Variants in C14orf132 observed in about 807,000 individuals in gnomAD.
The protein encoded by C14orf132 is chromosome 14 open reading frame 132, also known as uncharacterized protein C14orf132.
In C14orf132, 6 loss-of-function variants were observed where a neutral mutation model predicts 5.8. The observed-to-expected ratio is 1.03, with a 90% CI of 0.57 to 2.04. C14orf132 has a LOEUF of 2.04. C14orf132 is among the 30% of genes most tolerant of loss of function. The probability of loss-of-function intolerance (pLI) is 0.00; values close to 1 mark genes in which losing one functional copy is unlikely to be tolerated. For missense variants in C14orf132, 125 were observed against 115.8 expected, an observed-to-expected ratio of 1.08 and a Z score of -0.37; for synonymous variants, 51 against 49.8, an observed-to-expected ratio of 1.02 and a Z score of -0.10.
chr14:96,065,472 C>G lies in C14orf132; in HGVS notation c.28-21039C>G, dbSNP rs190300442. Among the ~76,000 whole-genome samples, 6 of 152,214 alleles carry G rather than the reference C, an allele frequency of 3.9e-5. No homozygotes were observed. In the East Asian group the frequency reaches 1.2e-3, roughly 29 times the overall value. ...CTGGGCTTGCCGTTGCCCCGGCCGCCGCTTCACTCCAGTATGCGTGTGCTC... is the reference window on the plus strand; with the variant it reads ...CTGGGCTTGCCGTTGCCCCGGCCGCGGCTTCACTCCAGTATGCGTGTGCTC... On this transcript the variant is annotated intron_variant, in intron 1 of 1. Coordinates refer to ENST00000555004, the MANE Select transcript of C14orf132 (RefSeq NM_001252507.3).
intron 1 of C14orf132, among the ~76,000 whole-genome samples, chr14:96,052,685 C>T (rs1318645418): frequency 6.6e-6 from 1 of 152,188 alleles, no homozygotes; most frequent in Non-Finnish European, 1.5e-5. Flanking sequence ...GTGATCCGGA[C>T]AGCACCAAGT....
At chr14:96,070,266 G>A (rs954044535) in intron 1 of C14orf132, among the ~76,000 whole-genome samples, 5 of 152,078 alleles carry the variant, frequency 3.3e-5, no homozygotes, top group East Asian at 1.9e-4. Context: ...TCTTTACCTC[G>A]TTGTTTACTT....
rs192984937 is a variant in C14orf132 at position 96,085,271 on chromosome 14, C to T, written c.28-1240C>T. Among the ~76,000 whole-genome samples, 54 of 152,336 alleles carry T rather than the reference C, an allele frequency of 3.5e-4. No homozygotes were observed. The East Asian group carries it at 3.9e-3, about 11-fold the overall frequency. The stretch of plus-strand genomic sequence containing the variant: ...ATGCGGTGCTCGGTAACTGTGCATC[C>T]GATGCAGGCCTCACTGTGTCATGTT... On this transcript the variant is annotated intron_variant, in intron 1 of 1. Coordinates refer to ENST00000555004, the MANE Select transcript of C14orf132 (RefSeq NM_001252507.3).
chr14:96,074,122 G>A (rs1185777836), intron 1 of C14orf132, among the ~76,000 whole-genome samples: 1 of 152,206 alleles, frequency 6.6e-6, no homozygotes, highest in African/African-American at 2.4e-5. Flanking sequence ...CACACCACAT[G>A]GCACTTGTTA....
rs376333280 is a variant in C14orf132 at position 96,040,388 on chromosome 14, G to A, written c.27+861G>A. ...GGAGAGTAAGTCCCAATCTACCAAA[G>A]CCACATCTTGCACCTTCTCTGGTTG... On this transcript the variant is annotated intron_variant, in intron 1 of 1. Coordinates refer to ENST00000555004, the MANE Select transcript of C14orf132 (RefSeq NM_001252507.3). 94 of 398,140 alleles carry A rather than the reference G, an allele frequency of 2.4e-4. No individual in the cohort carries two copies. In the East Asian group the frequency reaches 2.9e-3, roughly 12 times the overall value. The allele number at this position is 398,140 out of a possible 1,614,324, so 24.7% of individuals were successfully genotyped here. A position where few individuals can be genotyped will look rare whatever the true frequency, so the allele number is the denominator to read the frequency against.
intron 1 of C14orf132, among the ~76,000 whole-genome samples, chr14:96,083,878 G>T (rs747256058): frequency 6.6e-6 from 1 of 152,194 alleles, no homozygotes; most frequent in Non-Finnish European, 1.5e-5. Context: ...GGGTGCAGAG[G>T]CTGGAGGGCA....
rs768256945 is a variant in C14orf132, at chr14:96,060,522, T to A, written c.27+20995T>A. ...AGAATATTGAGTTTATTCAGCAGAT[T>A]TTTTATCCTCTGCACCCTCATTCTC... On this transcript the variant is annotated intron_variant, in intron 1 of 1. Transcript: ENST00000555004. Among the ~76,000 whole-genome samples, 29 of 152,146 alleles carry A rather than the reference T, an allele frequency of 1.9e-4. 1 individual carries two copies. Among genetic ancestry groups the A allele is most frequent in the Admixed American group, 6.5e-5 (1 of 15,280 alleles).
chr14:96,075,544 C>CTT (rs1405526166), intron 1 of C14orf132, among the ~76,000 whole-genome samples: 3 of 152,094 alleles, frequency 2.0e-5, no homozygotes, highest in African/African-American at 7.2e-5. Context: ...ATAATGTTAG[C>CTT]TATAGGTTGT....
chr14:96,065,868 G>T (rs1450366830), intron 1 of C14orf132, among the ~76,000 whole-genome samples: 1 of 152,186 alleles, frequency 6.6e-6, no homozygotes, highest in Admixed American at 6.5e-5. Context: ...CTTCAAAGAT[G>T]CTATCGAGTT....
intron 1 of C14orf132, among the ~76,000 whole-genome samples, chr14:96,055,950 A>G (rs35374043): frequency 0.064 from 9,705 of 152,192 alleles, 377 homozygotes; most frequent in East Asian, 0.17. Context: ...AGGCTCTGGG[A>G]CTGGGTGGTA....
chr14:96,087,753 C>G lies in C14orf132; in HGVS notation c.*1018C>G, dbSNP rs1376641156. 6.6e-6 allele frequency: 1 copy of G among 152,118 alleles called. No homozygotes were observed. Among genetic ancestry groups the G allele is most frequent in the African/African-American group, 2.4e-5 (1 of 41,416 alleles). The allele number at this position is 152,118 out of a possible 1,614,324, so 9.4% of individuals were successfully genotyped here. On this transcript the variant is annotated 3_prime_UTR_variant, in exon 2 of 2. Transcript: ENST00000555004. The stretch of plus-strand genomic sequence containing the variant: ...GCGAGATTGGCAGGCTGCTCAGATA[C>G]CCGTCCTTTACATTCAGTGTGGATA...
intron 1 of C14orf132, among the ~76,000 whole-genome samples, chr14:96,072,777 C>T (rs1363489076): frequency 6.6e-6 from 1 of 152,192 alleles, no homozygotes; most frequent in African/African-American, 2.4e-5. Flanking sequence ...TAACCTAATG[C>T]ATTTGAGATT....
intron 1 of C14orf132, among the ~76,000 whole-genome samples, chr14:96,072,361 G>C (rs1386261264): frequency 6.6e-6 from 1 of 152,192 alleles, no homozygotes; most frequent in East Asian, 1.9e-4. Context: ...TTGGGCCTCA[G>C]CTGAGTCTGT....
intron 1 of C14orf132, among the ~76,000 whole-genome samples, chr14:96,080,901 T>A (rs1888012988): frequency 6.6e-6 from 1 of 152,206 alleles, no homozygotes; most frequent in African/African-American, 2.4e-5. Flanking sequence ...ATTATAACCA[T>A]CACGCGTTTG....
intron 1 of C14orf132, among the ~76,000 whole-genome samples, chr14:96,082,638 T>C (rs1888060823): frequency 6.6e-6 from 1 of 152,206 alleles, no homozygotes; most frequent in East Asian, 1.9e-4. Context: ...GGCCATCTGC[T>C]GACAACTGAA....
At chr14:96,057,879 C>T (rs1373150528) in intron 1 of C14orf132, among the ~76,000 whole-genome samples, 5 of 152,188 alleles carry the variant, frequency 3.3e-5, no homozygotes, top group Non-Finnish European at 5.9e-5. Flanking sequence ...CTTCACGTCT[C>T]TTGGTTCCTG....
intron 1 of C14orf132, among the ~76,000 whole-genome samples, chr14:96,065,515 C>T (rs1372012216): frequency 6.6e-6 from 1 of 152,106 alleles, no homozygotes; most frequent in Non-Finnish European, 1.5e-5. Flanking sequence ...GAGAATGATG[C>T]TCAGTTTCAC....
Position 96,067,223 on chromosome 14 carries a change from G to A in C14orf132, c.28-19288G>A, listed in dbSNP as rs1887558024. On this transcript the variant is annotated intron_variant, in intron 1 of 1. Transcript: ENST00000555004. ...CAGCACTTCTGTCAAAGGCAGTCGC[G>A]CCAGCAGCAAGGTGGCCGCGTGAGC... Among the ~76,000 whole-genome samples the A allele has an allele frequency of 3.9e-5, 6 of 152,170 alleles. No individual in the cohort carries two copies. The South Asian group carries it at 1.0e-3, about 26-fold the overall frequency.
chr14:96,068,399 G>A (rs962331632), intron 1 of C14orf132, among the ~76,000 whole-genome samples: 2 of 152,266 alleles, frequency 1.3e-5, no homozygotes, highest in Admixed American at 6.5e-5. Flanking sequence ...GATCTTAGGC[G>A]GGGTGCTCCG....
Sources: gnomAD v4.1 joint callset for allele counts (sites outside exome capture counted in the v4.1 genomes callset) on GRCh38, gnomAD v4.1.1 for gene constraint, MANE v1.5 for transcripts, NCBI Gene and HGNC (gene_info 2026-07-23, HGNC 2026-07-21) for gene names.